The following KCNAB1 variants were observed in gnomAD, a reference collection of about 807,000 sequenced individuals.
KCNAB1 encodes the protein potassium voltage-gated channel subfamily A regulatory beta subunit 1.
KCNAB1 carries 35 observed loss-of-function variants against 64.6 expected under a neutral mutation model. That is an observed-to-expected ratio of 0.54 (90% CI 0.41 to 0.72). The LOEUF (loss-of-function observed/expected upper bound fraction) is 0.72. KCNAB1 is among the 30% of genes least tolerant of loss of function. The probability of loss-of-function intolerance (pLI) is 0.00; values close to 1 mark genes in which losing one functional copy is unlikely to be tolerated. For synonymous variants in KCNAB1, 177 were observed against 183.8 expected, an observed-to-expected ratio of 0.96 and a Z score of 0.30; for missense variants, 401 against 512.9, an observed-to-expected ratio of 0.78 and a Z score of 2.11.
At chr3:156,385,520 AAAG>A (rs998832679) in intron 1 of KCNAB1, among the ~76,000 whole-genome samples, 2 of 152,194 alleles carry the variant, frequency 1.3e-5, no homozygotes, top group African/African-American at 4.8e-5. Context: ...GCTTTTCAAA[AAAG>A]CATATTTAAA....
chr3:156,334,877 C>G (rs1289677603), intron 1 of KCNAB1, among the ~76,000 whole-genome samples: 1 of 152,152 alleles, frequency 6.6e-6, no homozygotes, highest in African/African-American at 2.4e-5. Flanking sequence ...AAGCTTGAAC[C>G]TGAAATTACA....
rs529392283 is a variant in KCNAB1, at chr3:156,230,811, ATT to A, written c.275+109926_275+109927del. Among the ~76,000 whole-genome samples the A allele has an allele frequency of 6.6e-5, 10 of 152,332 alleles. No homozygotes were observed. The East Asian group carries it at 1.3e-3, about 21-fold the overall frequency. ...TGTTTATTTGTGAGAATTACATATG[ATT>A]GTGTATCTTCTGTGTGTATATATCA... is the stretch of plus-strand genomic sequence containing the variant. On this transcript the variant is annotated intron_variant, in intron 1 of 13. Transcript: ENST00000490337.
At chr3:156,336,002 A>T (rs1205188759) in intron 1 of KCNAB1, among the ~76,000 whole-genome samples, 1 of 152,178 alleles carries the variant, frequency 6.6e-6, no homozygotes, top group Admixed American at 6.5e-5. Context: ...AGTCAGAAAC[A>T]TTGGTTACAA....
intron 1 of KCNAB1, among the ~76,000 whole-genome samples, chr3:156,299,592 A>G (rs1213927119): frequency 6.6e-6 from 1 of 152,224 alleles, no homozygotes; most frequent in African/African-American, 2.4e-5. Flanking sequence ...ACTCTCCTGT[A>G]TGCATTTAGA....
intron 7 of KCNAB1, among the ~76,000 whole-genome samples, chr3:156,468,932 C>T (rs945148391): frequency 5.9e-5 from 9 of 152,258 alleles, no homozygotes; most frequent in African/African-American, 2.2e-4. Flanking sequence ...CATTTGCCCT[C>T]ATGACTTGTA....
At chr3:156,415,046 A>C (rs950543419) in intron 1 of KCNAB1, among the ~76,000 whole-genome samples, 1 of 152,164 alleles carries the variant, frequency 6.6e-6, no homozygotes, top group Non-Finnish European at 1.5e-5. Context: ...TAGCAAAATA[A>C]CTTACAATTC....
chr3:156,410,183 G>A (rs1036310995), intron 1 of KCNAB1, among the ~76,000 whole-genome samples: 10 of 152,188 alleles, frequency 6.6e-5, no homozygotes, highest in Non-Finnish European at 1.5e-4. Flanking sequence ...TGGGTCTACT[G>A]TTCAAGGCTT....
At chr3:156,136,825 A>G (rs989659174) in intron 1 of KCNAB1, among the ~76,000 whole-genome samples, 1 of 152,204 alleles carries the variant, frequency 6.6e-6, no homozygotes, top group Non-Finnish European at 1.5e-5. Context: ...AAAGAGCAAG[A>G]GAGTCATGCC....
chr3:156,486,258 T>C (rs574359243), intron 8 of KCNAB1, among the ~76,000 whole-genome samples: 8 of 152,280 alleles, frequency 5.3e-5, no homozygotes, highest in African/African-American at 1.4e-4. Flanking sequence ...GAGTTGGTTT[T>C]CTTCTACAAA....
intron 3 of KCNAB1, 138 bp from the exon 4 acceptor site, chr3:156,457,315 C>CCT (rs1553749734): frequency 5.7e-6 from 8 of 1,409,582 alleles, no homozygotes; most frequent in Non-Finnish European, 7.4e-6. Flanking sequence ...TCTTTCTTTC[C>CCT]CTCTCCACTA....
intron 1 of KCNAB1, among the ~76,000 whole-genome samples, chr3:156,126,485 C>A (rs897793503): frequency 6.6e-6 from 1 of 152,174 alleles, no homozygotes; most frequent in Admixed American, 6.5e-5. Flanking sequence ...AATAATAGAG[C>A]AAAATCGTCC....
chr3:156,487,453 A>T (rs1478438957), intron 8 of KCNAB1, among the ~76,000 whole-genome samples: 2 of 152,160 alleles, frequency 1.3e-5, no homozygotes, highest in Admixed American at 6.6e-5. Context: ...ATGTATCCCC[A>T]TGTTAAGTTT....
chr3:156,518,781 A>G (rs1348179463), intron 11 of KCNAB1, among the ~76,000 whole-genome samples: 8 of 152,136 alleles, frequency 5.3e-5, no homozygotes. Context: ...TACTCTAACA[A>G]TGATTTCTAA....
chr3:156,307,366 CT>C (rs34577217), intron 1 of KCNAB1, among the ~76,000 whole-genome samples: 121,870 of 148,288 alleles, frequency 0.82, 51,901 homozygotes, highest in East Asian at 0.97. Context: ...TTCTTTTCAT[CT>C]TTTTTTTTTT....
intron 1 of KCNAB1, among the ~76,000 whole-genome samples, chr3:156,183,142 A>C (rs1712977588): frequency 6.6e-6 from 1 of 152,202 alleles, no homozygotes; most frequent in East Asian, 1.9e-4. Context: ...GAGTATACAG[A>C]GTGGAAAGAA....
At chr3:156,164,885 G>C (rs534612025) in intron 1 of KCNAB1, among the ~76,000 whole-genome samples, 1 of 152,344 alleles carries the variant, frequency 6.6e-6, no homozygotes, top group East Asian at 1.9e-4. Flanking sequence ...TGGATTGCAA[G>C]TGCTTAAATA....
intron 1 of KCNAB1, among the ~76,000 whole-genome samples, chr3:156,301,594 T>C (rs1302921074): frequency 6.6e-6 from 1 of 152,200 alleles, no homozygotes; most frequent in African/African-American, 2.4e-5. Context: ...AAATCCATGG[T>C]CTAACATACA....
chr3:156,179,514 G>GT (rs1485529450), intron 1 of KCNAB1, among the ~76,000 whole-genome samples: 2 of 133,002 alleles, frequency 1.5e-5, no homozygotes, highest in Non-Finnish European at 3.0e-5. Context: ...ACATACATGT[G>GT]TTTTGGGGTG....
chr3:156,128,924 TA>T (rs2108262460), intron 1 of KCNAB1, among the ~76,000 whole-genome samples: 1 of 152,308 alleles, frequency 6.6e-6, no homozygotes, highest in African/African-American at 2.4e-5. Flanking sequence ...TCACTAACTG[TA>T]AGTAGTGGTG....
Sources: allele counts gnomAD v4.1 joint callset (sites outside exome capture counted in the v4.1 genomes callset), GRCh38; gene constraint gnomAD v4.1.1; transcripts MANE v1.5; gene names NCBI Gene and HGNC (gene_info 2026-07-23, HGNC 2026-07-21).